Variants in NPM1 observed in about 807,000 individuals in gnomAD.
The protein encoded by NPM1 is nucleophosmin.
In NPM1, 1 loss-of-function variant was observed where a neutral mutation model predicts 44.1. That is an observed-to-expected ratio of 0.02 (90% CI 0.01 to 0.11). The LOEUF (loss-of-function observed/expected upper bound fraction) is 0.11. Among genes scored for constraint, NPM1 ranks in the 10% least tolerant of loss-of-function variants. The probability of loss-of-function intolerance (pLI) is 1.00; values close to 1 mark genes in which losing one functional copy is unlikely to be tolerated. For missense variants in NPM1, 197 were observed against 347.8 expected (o/e 0.57, Z 3.45); for synonymous variants, 126 against 111.8 (o/e 1.13, Z -0.80).
rs560900151 is a variant in NPM1, at chr5:171,402,952, C to CTTT, written c.669+2039_669+2041dup. Among the ~76,000 whole-genome samples the CTTT allele has an allele frequency of 1.7e-3, 152 of 91,758 alleles. 1 individual carries two copies. Among genetic ancestry groups the CTTT allele is most frequent in the African/African-American group, 5.7e-3 (142 of 25,072 alleles). The allele number at this position is 91,758 out of a possible 152,430, so 60.2% of individuals were successfully genotyped here. A position where few individuals can be genotyped will look rare whatever the true frequency, so the allele number is the denominator to read the frequency against. On this transcript the variant is annotated intron_variant, in intron 8 of 10. Coordinates refer to ENST00000296930, the MANE Select transcript of NPM1 (RefSeq NM_002520.7). ...ATAAATTACCCAATCTCAGGTAGTT[C>CTTT]TTTTTTTTTTTTTTCATTTTATTTA...
rs568679648 is a variant in NPM1, at chr5:171,392,726, A to G, written c.369A>G (p.Ala123=). 4 of 1,610,436 alleles carry G rather than the reference A, an allele frequency of 2.5e-6. No individual in the cohort carries two copies. In the African/African-American group the frequency reaches 4.0e-5, roughly 16 times the overall value. The change falls in exon 5 of 11, where the codon GCA becomes GCG. Residue 123 remains alanine, a synonymous_variant. Coordinates refer to ENST00000296930, the MANE Select transcript of NPM1 (RefSeq NM_002520.7). ...GQHLVAVEED[A]ESEDEEEEDV... ...GTATTTTAGCTGTGGAGGAAGATGC[A>G]GAGTCAGAAGATGAAGAGGAGGAGG...
intron 6 of NPM1, among the ~76,000 whole-genome samples, chr5:171,398,681 G>T (rs555795433): frequency 3.3e-5 from 5 of 152,228 alleles, no homozygotes; most frequent in Middle Eastern, 3.4e-3. Flanking sequence ...TGAGGCTGGA[G>T]AATTCGCTTG....
At chr5:171,406,999 T>G (rs756915661) in intron 9 of NPM1, 1 of 153,742 alleles carries the variant, frequency 6.5e-6, no homozygotes, top group Admixed American at 6.5e-5. Flanking sequence ...AGTAATGTTT[T>G]GAAATTTTGG....
rs992479701 is a variant in NPM1, at chr5:171,410,722, A to T, written c.*157A>T. The T allele has an allele frequency of 1.2e-5, 6 of 512,878 alleles. No individual in the cohort carries two copies. Among genetic ancestry groups the T allele is most frequent in the Non-Finnish European group, 2.0e-5 (6 of 293,598 alleles). The allele number at this position is 512,878 out of a possible 1,614,324, so 31.8% of individuals were successfully genotyped here. A position where few individuals can be genotyped will look rare whatever the true frequency, so the allele number is the denominator to read the frequency against. On this transcript the variant is annotated 3_prime_UTR_variant, in exon 11 of 11. Coordinates refer to ENST00000296930, the MANE Select transcript of NPM1 (RefSeq NM_002520.7). ...TTCTATTGCCAAGAATGTGTTGTCC[A>T]AAATGCCTGTTTAGTTTTTAAAGAT... is the stretch of plus-strand genomic sequence containing the variant.
chr5:171,387,872 T>C lies in NPM1; in HGVS notation c.-77T>C, dbSNP rs1770316993. 7.4e-7 allele frequency: 1 copy of C among 1,354,242 alleles called. No homozygotes were observed. The allele number at this position is 1,354,242 out of a possible 1,614,324, so 83.9% of individuals were successfully genotyped here. On this transcript the variant is annotated 5_prime_UTR_variant, in exon 1 of 11. Coordinates refer to ENST00000296930, the MANE Select transcript of NPM1 (RefSeq NM_002520.7). The stretch of plus-strand genomic sequence containing the variant: ...TCCTTTCCCTGGTGTGATTCCGTCC[T>C]GCGCGGTTGTTCTCTGGAGCAGCGT...
intron 9 of NPM1, chr5:171,406,714 T>C (rs1771591650): frequency 2.5e-6 from 3 of 1,180,770 alleles, no homozygotes; most frequent in Non-Finnish European, 3.1e-6. Context: ...TCAATAAATA[T>C]TTGAATGCAT....
intron 9 of NPM1, 89 bp from the exon 10 acceptor site, chr5:171,407,611 G>T (rs1343722417): frequency 9.0e-6 from 7 of 779,334 alleles, no homozygotes; most frequent in Non-Finnish European, 1.6e-5. Flanking sequence ...GATCCATGTA[G>T]TAGCATGCAG....
At chr5:171,395,133 A>G (rs1293979624) in intron 6 of NPM1, among the ~76,000 whole-genome samples, 4 of 152,130 alleles carry the variant, frequency 2.6e-5, no homozygotes, top group East Asian at 3.9e-4. Context: ...CAAGCCAAGA[A>G]TGCGCCACCG....
In NPM1 at chr5:171,407,750, T is replaced by C. The variant is rs149305908; in HGVS notation, c.822T>C (p.Asn274=). Reference sequence around the variant, plus strand: ...CCAAATTCATCAATTATGTGAAGAATTGCTTCCGGATGACTGACCAAGAGG... The same window carrying C: ...CCAAATTCATCAATTATGTGAAGAACTGCTTCCGGATGACTGACCAAGAGG... ...VEAKFINYVK[N]CFRMTDQEAI... is the part of the protein sequence containing the mutation. The change falls in exon 10 of 11, where the codon AAT becomes AAC. Residue 274 remains asparagine (N), a synonymous_variant. Coordinates refer to ENST00000296930, the MANE Select transcript of NPM1 (RefSeq NM_002520.7). The C allele has an allele frequency of 1.1e-5, 17 of 1,610,950 alleles. No homozygotes were observed. The African/African-American group carries it at 2.0e-4, about 19-fold the overall frequency.
At chr5:171,409,806 C>T (rs1385294426) in intron 10 of NPM1, among the ~76,000 whole-genome samples, 2 of 96,868 alleles carry the variant, frequency 2.1e-5, no homozygotes, top group Non-Finnish European at 4.1e-5. Flanking sequence ...CATGCCTGGC[C>T]AGCTGTTTTT....
chr5:171,402,996 A>C (rs1234245485), intron 8 of NPM1, among the ~76,000 whole-genome samples: 1 of 52,692 alleles, frequency 1.9e-5, no homozygotes, highest in African/African-American at 7.6e-5. Flanking sequence ...TTTATTTTTT[A>C]TTTTTATTTT....
At position 171,406,681 on chromosome 5, in the gene NPM1, C is replaced by T. The variant is rs975953494; in HGVS notation, c.772-1019C>T. On this transcript the variant is annotated intron_variant, in intron 9 of 10. Coordinates refer to ENST00000296930, the MANE Select transcript of NPM1 (RefSeq NM_002520.7). ...TGCCTCACCTGACAATGTTTTAAAT[C>T]GCCTTTGTATCTCCTTAGCTGCTCA... The T allele has an allele frequency of 2.0e-5, 25 of 1,278,326 alleles. 1 individual carries two copies. The highest frequency in any genetic ancestry group is 8.4e-5 in the South Asian group (3 of 35,798). The allele number at this position is 1,278,326 out of a possible 1,614,324, so 79.2% of individuals were successfully genotyped here.
intron 1 of NPM1, among the ~76,000 whole-genome samples, chr5:171,389,626 A>T (rs1378917954): frequency 6.6e-6 from 1 of 152,146 alleles, no homozygotes; most frequent in Non-Finnish European, 1.5e-5. Context: ...TTTCTTTTGT[A>T]ATAGTAAGCT....
At chr5:171,399,113 A>G (rs531127277) in intron 6 of NPM1, among the ~76,000 whole-genome samples, 188 of 152,340 alleles carry the variant, frequency 1.2e-3, no homozygotes, top group African/African-American at 4.0e-3. Context: ...CCTCCTAAAA[A>G]GTGCCGGGAT....
intron 6 of NPM1, among the ~76,000 whole-genome samples, chr5:171,395,777 T>C (rs545154662): frequency 6.6e-6 from 1 of 152,302 alleles, no homozygotes; most frequent in Admixed American, 6.5e-5. Context: ...AAGGGGAATT[T>C]GGTTCCTTTT....
intron 1 of NPM1, among the ~76,000 whole-genome samples, chr5:171,389,379 A>G (rs1046483963): frequency 1.3e-5 from 2 of 152,242 alleles, no homozygotes; most frequent in East Asian, 3.8e-4. Flanking sequence ...TTGCCCATTC[A>G]TGGAGTGAGA....
chr5:171,387,640 A>G (rs546164750), upstream of NPM1: 16 of 363,954 alleles, frequency 4.4e-5, no homozygotes, highest in Middle Eastern at 1.5e-3. Context: ...GGGTGGGGCC[A>G]GTGTACGAGT....
intron 1 of NPM1, 47 bp downstream of exon 1, chr5:171,388,053 CGGTGAG>C (rs746219355): frequency 1.3e-4 from 79 of 589,644 alleles, no homozygotes; most frequent in Non-Finnish European, 2.4e-4. Context: ...GGCCTGGTGG[CGGTGAG>C]GGTGGGGGTG....
intron 6 of NPM1, among the ~76,000 whole-genome samples, chr5:171,399,808 C>T (rs1470208925): frequency 6.6e-6 from 1 of 152,110 alleles, no homozygotes; most frequent in Non-Finnish European, 1.5e-5. Context: ...TGAGCAACTT[C>T]ATTTCCCAGC....
Sources: allele counts gnomAD v4.1 joint callset (sites outside exome capture counted in the v4.1 genomes callset), GRCh38; gene constraint gnomAD v4.1.1; transcripts MANE v1.5; gene names NCBI Gene and HGNC (gene_info 2026-07-23, HGNC 2026-07-21).